Variants in RSRC1 observed in about 807,000 individuals in gnomAD.
RSRC1 encodes the protein arginine and serine rich coiled-coil 1, also known as serine/Arginine-related protein 53.
RSRC1 carries 39 observed loss-of-function variants against 49.1 expected under a neutral mutation model. The observed-to-expected ratio is 0.79, with a 90% CI of 0.61 to 1.04. The LOEUF is 1.04. RSRC1 is among the 50% of genes least tolerant of loss of function. The pLI, the probability that RSRC1 is intolerant of heterozygous loss-of-function variation, is 0.00. For synonymous variants in RSRC1, 143 were observed against 130.8 expected (o/e 1.09, Z -0.63); for missense variants, 388 against 402.4 (o/e 0.96, Z 0.31).
intron 7 of RSRC1, among the ~76,000 whole-genome samples, chr3:158,490,208 C>T (rs1739013857): frequency 1.3e-5 from 2 of 152,160 alleles, no homozygotes; most frequent in Admixed American, 1.3e-4. Flanking sequence ...CCTCAGCCTC[C>T]CGAGTAGTTG....
chr3:158,404,096 AAT>A (rs1276001728), intron 6 of RSRC1, among the ~76,000 whole-genome samples: 7 of 151,908 alleles, frequency 4.6e-5, no homozygotes, highest in Non-Finnish European at 7.4e-5. Flanking sequence ...CAGCTTGCAG[AAT>A]ATCTTTCAAG....
At chr3:158,370,109 A>G (rs1731984722) in intron 6 of RSRC1, among the ~76,000 whole-genome samples, 1 of 152,000 alleles carries the variant, frequency 6.6e-6, no homozygotes, top group South Asian at 2.1e-4. Flanking sequence ...TAATATTTAT[A>G]TTGAAAAATA....
intron 1 of RSRC1, among the ~76,000 whole-genome samples, chr3:158,120,987 G>T (rs1055636746): frequency 1.3e-5 from 2 of 151,320 alleles, no homozygotes; most frequent in African/African-American, 4.8e-5. Context: ...AAAGCCTTAG[G>T]TTCTATTTGT....
At chr3:158,504,168 G>A (rs62287872) in intron 7 of RSRC1, among the ~76,000 whole-genome samples, 16,073 of 152,116 alleles carry the variant, frequency 0.11, 985 homozygotes, top group African/African-American at 0.18. Flanking sequence ...GTGTGTGTTC[G>A]GGAGAGGAGG....
chr3:158,439,234 A>G (rs1181857815), intron 6 of RSRC1, among the ~76,000 whole-genome samples: 1 of 152,164 alleles, frequency 6.6e-6, no homozygotes, highest in African/African-American at 2.4e-5. Context: ...AATTAGTTCA[A>G]CCATTGTGGA....
intron 7 of RSRC1, among the ~76,000 whole-genome samples, chr3:158,528,873 A>G (rs1712207223): frequency 6.6e-6 from 1 of 151,938 alleles, no homozygotes; most frequent in Non-Finnish European, 1.5e-5. Context: ...GCAGTAGTCT[A>G]TATTTTGGGA....
At chr3:158,443,988 T>G (rs1736532642) in intron 6 of RSRC1, among the ~76,000 whole-genome samples, 1 of 152,106 alleles carries the variant, frequency 6.6e-6, no homozygotes, top group African/African-American at 2.4e-5. Context: ...ACTTATCAAT[T>G]AAGTTAATTG....
Position 158,152,547 on chromosome 3 carries a change from A to G in RSRC1, c.320+28556A>G, listed in dbSNP as rs898683651. Among the ~76,000 whole-genome samples, 5 of 152,212 alleles carry G rather than the reference A, an allele frequency of 3.3e-5. 1 individual carries two copies. The highest frequency in any genetic ancestry group is 1.2e-4 in the African/African-American group (5 of 41,450). ...TTTGAAAATAATAAAAGCTGTACCA[A>G]TAAAGTTGATATTGTTCTTCCCATC... On this transcript the variant is annotated intron_variant, in intron 3 of 9. Coordinates refer to ENST00000611884, the MANE Select transcript of RSRC1 (RefSeq NM_001271838.2).
At chr3:158,259,702 C>A (rs1437683885) in intron 4 of RSRC1, among the ~76,000 whole-genome samples, 3 of 152,296 alleles carry the variant, frequency 2.0e-5, no homozygotes, top group African/African-American at 7.2e-5. Context: ...TCCAGAGATG[C>A]TGTCCATGAG....
intron 4 of RSRC1, among the ~76,000 whole-genome samples, chr3:158,287,174 CCTT>C (rs1184659926): frequency 6.6e-6 from 1 of 152,052 alleles, no homozygotes; most frequent in Non-Finnish European, 1.5e-5. Context: ...ATATTTATGA[CCTT>C]CTATTTGGGA....
chr3:158,319,042 T>C (rs1268345321), intron 5 of RSRC1, among the ~76,000 whole-genome samples: 1 of 152,126 alleles, frequency 6.6e-6, no homozygotes, highest in Non-Finnish European at 1.5e-5. Context: ...GTTCGACATA[T>C]CTACTTTAAC....
At chr3:158,254,495 G>A (rs188675634) in intron 4 of RSRC1, among the ~76,000 whole-genome samples, 45 of 151,740 alleles carry the variant, frequency 3.0e-4, no homozygotes, top group African/African-American at 1.1e-3. Context: ...GCAGTGGTGC[G>A]ATCTCGGTGC....
intron 3 of RSRC1, among the ~76,000 whole-genome samples, chr3:158,184,546 AAAT>A (rs1182282156): frequency 9.9e-5 from 15 of 152,166 alleles, no homozygotes; most frequent in Non-Finnish European, 1.8e-4. Context: ...TTGGCAATTA[AAAT>A]AATGACATAA....
intron 4 of RSRC1, among the ~76,000 whole-genome samples, chr3:158,289,280 C>CT (rs1420793146): frequency 2.6e-5 from 4 of 152,244 alleles, no homozygotes; most frequent in African/African-American, 9.6e-5. Flanking sequence ...TCTGTGAACT[C>CT]TGTTTACTTG....
intron 6 of RSRC1, among the ~76,000 whole-genome samples, chr3:158,379,235 C>T (rs1732558325): frequency 8.0e-6 from 1 of 124,940 alleles, no homozygotes. Flanking sequence ...GAGTCTCGCT[C>T]TGTCGCCCAG....
At chr3:158,286,058 C>T (rs1726534374) in intron 4 of RSRC1, among the ~76,000 whole-genome samples, 1 of 152,104 alleles carries the variant, frequency 6.6e-6, no homozygotes, top group South Asian at 2.1e-4. Flanking sequence ...GCTATTTGTA[C>T]AGTATTTGTT....
Position 158,139,664 on chromosome 3 carries a change from C to T in RSRC1, c.320+15673C>T, listed in dbSNP as rs1354827594. On this transcript the variant is annotated intron_variant, in intron 3 of 9. Coordinates refer to ENST00000611884, the MANE Select transcript of RSRC1 (RefSeq NM_001271838.2). ...TTTTTTTTTTTTTGAGATGGAGCCT[C>T]GCTCTTTCGCCCAGGCTGGAGTGCA... is the stretch of plus-strand genomic sequence containing the variant. Among the ~76,000 whole-genome samples the T allele has an allele frequency of 3.6e-4, 52 of 144,842 alleles. 1 individual carries two copies. The East Asian group carries it at 7.8e-3, about 22-fold the overall frequency.
Position 158,424,248 on chromosome 3 carries a change from G to A in RSRC1, c.584-36687G>A, listed in dbSNP as rs369487307. On this transcript the variant is annotated intron_variant, in intron 6 of 9. Transcript: ENST00000611884. ...GGTAGCTCTTATTATTTTGAGATAC[G>A]TCCCATCAATACCTAATTTATTGAG... Among the ~76,000 whole-genome samples the A allele has an allele frequency of 3.9e-4, 60 of 151,958 alleles. 1 individual carries two copies. The highest frequency in any genetic ancestry group is 3.5e-3 in the East Asian group (18 of 5,166).
intron 5 of RSRC1, among the ~76,000 whole-genome samples, chr3:158,345,730 C>T (rs1013513590): frequency 2.0e-5 from 3 of 150,458 alleles, no homozygotes; most frequent in African/African-American, 7.3e-5. Context: ...ATCAATGGAT[C>T]ATAATTAGAG....
Sources: allele counts gnomAD v4.1 joint callset (sites outside exome capture counted in the v4.1 genomes callset), GRCh38; gene constraint gnomAD v4.1.1; transcripts MANE v1.5; gene names NCBI Gene and HGNC (gene_info 2026-07-23, HGNC 2026-07-21).